The following ANO4 variants were observed in gnomAD, a reference collection of about 807,000 sequenced individuals.
ANO4 encodes the protein anoctamin-4.
Under a neutral mutation model 141.9 loss-of-function variants are expected in ANO4, and 69 were observed. That is an observed-to-expected ratio of 0.49 (90% CI 0.40 to 0.59). ANO4 has a LOEUF of 0.59. Ranked by LOEUF, ANO4 falls within the 20% of genes least tolerant of loss-of-function variation. ANO4 has a pLI of 0.00. For missense variants in ANO4, 894 were observed against 1,162.2 expected (o/e 0.77, Z 3.36); for synonymous variants, 350 against 394.3 (o/e 0.89, Z 1.33).
At chr12:100,858,085 T>G (rs2135878030) in intron 1 of ANO4, among the ~76,000 whole-genome samples, 1 of 151,980 alleles carries the variant, frequency 6.6e-6, no homozygotes, top group Admixed American at 6.6e-5. Flanking sequence ...ATGAAGGTGA[T>G]AAAAGCCTGT....
intron 24 of ANO4, among the ~76,000 whole-genome samples, chr12:101,113,719 AG>A (rs2050748938): frequency 6.6e-6 from 1 of 152,230 alleles, no homozygotes; most frequent in Admixed American, 6.5e-5. Context: ...AGGTATAGAA[AG>A]TCATAAGCCT....
At chr12:100,748,776 T>C (rs2032229460) in intron 3 of ANO4, among the ~76,000 whole-genome samples, 1 of 152,198 alleles carries the variant, frequency 6.6e-6, no homozygotes, top group South Asian at 2.1e-4. Context: ...CTTTTCTGAT[T>C]TTAATTGAGC....
chr12:100,783,116 T>G (rs528840440), intron 3 of ANO4, among the ~76,000 whole-genome samples: 54 of 152,286 alleles, frequency 3.5e-4, no homozygotes, highest in Middle Eastern at 3.4e-3. Flanking sequence ...CACTCTGTTA[T>G]GGGCCATCCA....
upstream of ANO4, among the ~76,000 whole-genome samples, chr12:100,794,144 T>C (rs1343850617): frequency 2.6e-5 from 4 of 152,166 alleles, no homozygotes; most frequent in African/African-American, 9.7e-5. Context: ...TTGACCCTTC[T>C]CTGTCTTAAA....
rs112410686 is a variant in ANO4 at position 100,983,565 on chromosome 12, G to T, written c.603-3974G>T. Among the ~76,000 whole-genome samples, 404 of 152,278 alleles carry T rather than the reference G, an allele frequency of 2.7e-3. 3 individuals are homozygous for T. The highest frequency in any genetic ancestry group is 9.3e-3 in the African/African-American group (386 of 41,546). On this transcript the variant is annotated intron_variant, in intron 7 of 27. Transcript: ENST00000392977. The stretch of plus-strand genomic sequence containing the variant: ...TCAGTTCATGTAATCATAGGACTGA[G>T]ATCTCCATTTCTTTATTGGCTGAAA...
In ANO4 at chr12:100,901,797, C is replaced by T. The variant is rs1593694459; in HGVS notation, c.12C>T (p.Ser4=). The T allele has an allele frequency of 6.2e-7, 1 of 1,613,774 alleles. No homozygotes were observed. Among genetic ancestry groups the T allele is most frequent in the Admixed American group, 1.7e-5 (1 of 59,902 alleles). Residue 4 remains serine, a synonymous_variant, in exon 2 of 28, where the codon AGC becomes AGT. Coordinates refer to ENST00000392977, the MANE Select transcript of ANO4 (RefSeq NM_001286615.2). ...GAAGGTCAATAAAAATGGAGGCAAG[C>T]TCTTCTGGAATCACTAATGGAAAAA... MEA[S]SSGITNGKTK... is the part of the protein sequence containing the mutation.
In ANO4 at chr12:100,823,444, C is replaced by T. The variant is rs552642285; in HGVS notation, c.-141+28417C>T. Among the ~76,000 whole-genome samples, 192 of 152,096 alleles carry T rather than the reference C, an allele frequency of 1.3e-3. 4 individuals carry two copies. In the Middle Eastern group the frequency reaches 0.02, roughly 16 times the overall value. ...TCATTTAAATGCTAAATTTTCTTCT[C>T]CTTTTTCATACCTTTCATTTTCCCT... On this transcript the variant is annotated intron_variant, in intron 1 of 27. Coordinates refer to ENST00000392977, the MANE Select transcript of ANO4 (RefSeq NM_001286615.2).
At chr12:100,949,006 A>G (rs2042862079) in intron 5 of ANO4, among the ~76,000 whole-genome samples, 1 of 152,164 alleles carries the variant, frequency 6.6e-6, no homozygotes, top group Non-Finnish European at 1.5e-5. Context: ...CCACCTAGCA[A>G]AGAAAGGTGG....
intron 2 of ANO4, among the ~76,000 whole-genome samples, chr12:100,913,110 A>G (rs988088319): frequency 1.8e-4 from 27 of 152,112 alleles, no homozygotes; most frequent in Admixed American, 2.0e-4. Flanking sequence ...AATATATACC[A>G]CATTCTTCTC....
chr12:100,987,506 G>A (rs2044760835), intron 7 of ANO4, 33 bp from the exon 8 acceptor site: 4 of 1,607,416 alleles, frequency 2.5e-6, no homozygotes, highest in Admixed American at 3.3e-5. Context: ...CTGACATGCT[G>A]TACCCTTTGG....
At chr12:100,888,410 TA>T (rs2039943331) in intron 1 of ANO4, among the ~76,000 whole-genome samples, 2 of 152,202 alleles carry the variant, frequency 1.3e-5, no homozygotes, top group African/African-American at 4.8e-5. Context: ...GGAGCCTTTA[TA>T]AAACATGCCT....
Position 100,841,274 on chromosome 12 carries a change from CATTTGAT to C in ANO4, c.-141+46251_-141+46257del, listed in dbSNP as rs2037232168. 1.1e-4 allele frequency among the ~76,000 whole-genome samples: 16 copies of C among 152,266 alleles called. No individual in the cohort carries two copies. In the South Asian group the frequency reaches 3.1e-3, roughly 30 times the overall value. ...TATTGGCTCATACAAATCTTGTCAT[CATTTGAT>C]ATTGTCATGACATCCGCCAAAATTA... On this transcript the variant is annotated intron_variant, in intron 1 of 27. Coordinates refer to ENST00000392977, the MANE Select transcript of ANO4 (RefSeq NM_001286615.2).
At chr12:100,753,870 C>T (rs1160676227) in intron 3 of ANO4, among the ~76,000 whole-genome samples, 1 of 152,134 alleles carries the variant, frequency 6.6e-6, no homozygotes, top group Non-Finnish European at 1.5e-5. Context: ...GACGTGTTCC[C>T]ACATGTTCCC....
intron 1 of ANO4, among the ~76,000 whole-genome samples, chr12:100,810,339 A>G (rs2035332382): frequency 6.6e-6 from 1 of 152,126 alleles, no homozygotes. Context: ...TGTGCTTGGC[A>G]TGGTTAAGGA....
intron 23 of ANO4, among the ~76,000 whole-genome samples, chr12:101,111,276 A>G (rs2050655667): frequency 6.6e-6 from 1 of 152,140 alleles, no homozygotes; most frequent in Non-Finnish European, 1.5e-5. Flanking sequence ...GCTTGACATT[A>G]TGTGTGCTGA....
Position 101,080,900 on chromosome 12 carries a change from T to TATATATATAC in ANO4, c.1395+1626_1395+1627insTATATATACA, listed in dbSNP as rs1194122665. On this transcript the variant is annotated intron_variant, in intron 15 of 27. Transcript: ENST00000392977. ...TATATATATTATATATATATATATA[T>TATATATATAC]ACATACACATATACATATATATAAA... 1.6e-3 allele frequency among the ~76,000 whole-genome samples: 212 copies of TATATATATAC among 130,968 alleles called. 2 individuals are homozygous for TATATATATAC. Among genetic ancestry groups the TATATATATAC allele is most frequent in the East Asian group, 2.5e-3 (12 of 4,838 alleles). 85.9% of individuals were successfully genotyped at this position (130,968 alleles called of 152,430 possible).
At chr12:100,794,108 T>A (rs900381351), upstream of ANO4, among the ~76,000 whole-genome samples, 8 of 152,232 alleles carry the variant, frequency 5.3e-5, no homozygotes, top group African/African-American at 1.9e-4. Context: ...TAATGAAGAT[T>A]GACAGTCAAA....
chr12:100,824,905 A>G (rs999214354), intron 1 of ANO4, among the ~76,000 whole-genome samples: 9 of 151,986 alleles, frequency 5.9e-5, no homozygotes, highest in African/African-American at 2.2e-4. Flanking sequence ...TTATTTTTTA[A>G]CTTAATTGAT....
At chr12:101,084,780 A>G (rs1161322428) in intron 16 of ANO4, among the ~76,000 whole-genome samples, 1 of 152,204 alleles carries the variant, frequency 6.6e-6, no homozygotes, top group Non-Finnish European at 1.5e-5. Context: ...ACAAAGACCC[A>G]TAGACATAGA....
Sources: gnomAD v4.1 joint callset for allele counts (sites outside exome capture counted in the v4.1 genomes callset) on GRCh38, gnomAD v4.1.1 for gene constraint, MANE v1.5 for transcripts, NCBI Gene and HGNC (gene_info 2026-07-23, HGNC 2026-07-21) for gene names.